The following ATXN7 variants were observed in gnomAD, a reference collection of about 807,000 sequenced individuals.
ATXN7 encodes the protein ataxin 7.
A neutral mutation model predicts 70.5 loss-of-function variants in ATXN7; 12 were observed. That is an observed-to-expected ratio of 0.17 (90% CI 0.11 to 0.28). The LOEUF (loss-of-function observed/expected upper bound fraction) is 0.28, where lower values mean the gene tolerates loss of function less well. Among genes scored for constraint, ATXN7 ranks in the 10% least tolerant of loss-of-function variants. The pLI, the probability that ATXN7 is intolerant of heterozygous loss-of-function variation, is 1.00. For synonymous variants in ATXN7, 498 were observed against 448.7 expected, an observed-to-expected ratio of 1.11 and a Z score of -1.39; for missense variants, 1,256 against 1,131.7, an observed-to-expected ratio of 1.11 and a Z score of -1.58.
At chr3:63,878,535 T>C (rs1702811351) in intron 1 of ATXN7, 1 of 152,278 alleles carries the variant, frequency 6.6e-6, no homozygotes, top group Non-Finnish European at 1.5e-5. Flanking sequence ...AGGAGAGAGA[T>C]TGCTGATTTT....
chr3:63,942,363 C>T (rs1027329003), intron 4 of ATXN7, among the ~76,000 whole-genome samples: 13 of 152,174 alleles, frequency 8.5e-5, no homozygotes, highest in African/African-American at 3.1e-4. Flanking sequence ...AGGTTATTGA[C>T]CCTGAGAAGT....
chr3:63,899,682 C>T (rs959222816), intron 2 of ATXN7, among the ~76,000 whole-genome samples: 7 of 151,844 alleles, frequency 4.6e-5, no homozygotes, highest in African/African-American at 1.7e-4. Context: ...GGCGCCATCT[C>T]GGCTCACTGC....
At chr3:63,938,609 A>C (rs914161475) in intron 4 of ATXN7, among the ~76,000 whole-genome samples, 2 of 152,252 alleles carry the variant, frequency 1.3e-5, no homozygotes, top group Non-Finnish European at 2.9e-5. Flanking sequence ...AGTTGGCATT[A>C]AAACCAAAAG....
chr3:63,902,378 G>T (rs1703676021), intron 2 of ATXN7, among the ~76,000 whole-genome samples: 1 of 152,100 alleles, frequency 6.6e-6, no homozygotes, highest in Non-Finnish European at 1.5e-5. Context: ...CAGCTGGATT[G>T]CACTTGAGCC....
intron 4 of ATXN7, among the ~76,000 whole-genome samples, chr3:63,916,712 A>G (rs1704282441): frequency 6.6e-6 from 1 of 152,372 alleles, no homozygotes; most frequent in South Asian, 2.1e-4. Flanking sequence ...TTTAGGTAGT[A>G]TATCATTCCC....
chr3:63,991,752 G>C (rs1222138824), intron 11 of ATXN7, among the ~76,000 whole-genome samples: 1 of 151,932 alleles, frequency 6.6e-6, no homozygotes, highest in Non-Finnish European at 1.5e-5. Flanking sequence ...TGTACCTAAT[G>C]CTTCCCAAAC....
Position 63,988,341 on chromosome 3 carries a change from A to G in ATXN7, c.1361+17A>G. On this transcript the variant is annotated intron_variant, in intron 9 of 12. Transcript: ENST00000674280. ...TCTTCCAAGGTAAGCCAGGCCCTCC[A>G]ACTCTTTCTCCCACCTTCAGAGATG... 6.2e-7 allele frequency: 1 copy of G among 1,613,708 alleles called. No individual in the cohort carries two copies. The highest frequency in any genetic ancestry group is 8.5e-7 in the Non-Finnish European group (1 of 1,179,846).
At chr3:63,987,282 C>CA (rs770430065) in intron 8 of ATXN7, among the ~76,000 whole-genome samples, 3 of 152,228 alleles carry the variant, frequency 2.0e-5, no homozygotes, top group Non-Finnish European at 4.4e-5. Context: ...TGCCTTAAGA[C>CA]AAACACTGCC....
chr3:63,872,461 C>T (rs1408313572), intron 1 of ATXN7, among the ~76,000 whole-genome samples: 1 of 152,172 alleles, frequency 6.6e-6, no homozygotes, highest in Non-Finnish European at 1.5e-5. Flanking sequence ...CACATAATCT[C>T]ATCTTCTAGC....
intron 2 of ATXN7, among the ~76,000 whole-genome samples, chr3:63,899,926 T>C (rs184978335): frequency 1.3e-5 from 2 of 152,028 alleles, no homozygotes; most frequent in Non-Finnish European, 2.9e-5. Context: ...CTAAAAAAAA[T>C]TTAAAAAATT....
At chr3:63,995,306 A>G (rs553213286) in intron 11 of ATXN7, among the ~76,000 whole-genome samples, 199 bp from the exon 12 acceptor site, 1 of 152,294 alleles carries the variant, frequency 6.6e-6, no homozygotes, top group Admixed American at 6.5e-5. Context: ...AGTTGCACAC[A>G]TACAGTTCTG....
chr3:63,979,442 A>T (rs998069080), intron 5 of ATXN7, among the ~76,000 whole-genome samples: 4 of 152,222 alleles, frequency 2.6e-5, no homozygotes, highest in African/African-American at 7.2e-5. Flanking sequence ...GACAGGGAAA[A>T]AAAAGAAGGT....
At chr3:63,887,150 G>A (rs1312596089) in intron 1 of ATXN7, among the ~76,000 whole-genome samples, 1 of 152,180 alleles carries the variant, frequency 6.6e-6, no homozygotes, top group South Asian at 2.1e-4. Flanking sequence ...ATGACGAACT[G>A]GTATTGAGCC....
At chr3:63,901,973 G>C (rs1211317514) in intron 2 of ATXN7, 1 of 152,174 alleles carries the variant, frequency 6.6e-6, no homozygotes, top group Non-Finnish European at 1.5e-5. Context: ...GTGGTTTTCG[G>C]GGGTTGGGGA....
chr3:63,957,522 A>G (rs1455654258), intron 5 of ATXN7, among the ~76,000 whole-genome samples: 2 of 152,240 alleles, frequency 1.3e-5, no homozygotes, highest in African/African-American at 4.8e-5. Flanking sequence ...GTAGAACAAT[A>G]AAGGGGGAAA....
At chr3:63,919,218 G>A (rs1704410098) in intron 4 of ATXN7, among the ~76,000 whole-genome samples, 2 of 152,172 alleles carry the variant, frequency 1.3e-5, no homozygotes, top group South Asian at 2.1e-4. Context: ...GTAGTGACGG[G>A]CATTCATTTA....
Position 63,983,021 on chromosome 3 carries a change from G to A in ATXN7, c.1095G>A (p.Lys365=). 1.2e-6 allele frequency: 2 copies of A among 1,613,208 alleles called. No homozygotes were observed. Among genetic ancestry groups the A allele is most frequent in the Non-Finnish European group, 1.7e-6 (2 of 1,179,270 alleles). ...KKPCTRSLTC[K]THSLTQRRAV... ...CCTGCACCCGGTCTTTGACATGCAA[G>A]GTAGGTGGACTCCTGAAAGTCAAGT... The change falls in exon 8 of 13, where the codon AAG becomes AAA. Residue 365 remains lysine (K), a splice_region_variant and synonymous_variant. Transcript: ENST00000674280.
At chr3:63,871,865 A>T (rs534611908) in intron 1 of ATXN7, among the ~76,000 whole-genome samples, 7 of 101,086 alleles carry the variant, frequency 6.9e-5, no homozygotes, top group South Asian at 6.7e-4. Flanking sequence ...TTTTAAATTT[A>T]AAAAAAAAAC....
chr3:63,953,093 CCA>C (rs1313796094), intron 5 of ATXN7, among the ~76,000 whole-genome samples: 1 of 151,990 alleles, frequency 6.6e-6, no homozygotes, highest in East Asian at 1.9e-4. Context: ...ATTCTTACCG[CCA>C]CAGAGTTTAC....
Sources: allele counts gnomAD v4.1 joint callset (sites outside exome capture counted in the v4.1 genomes callset), GRCh38; gene constraint gnomAD v4.1.1; transcripts MANE v1.5; gene names NCBI Gene and HGNC (gene_info 2026-07-23, HGNC 2026-07-21).